Variants in ZNF540 observed in about 807,000 individuals in gnomAD.
ZNF540 encodes the protein CTD-3064H18.6.
Under a neutral mutation model 11.8 loss-of-function variants are expected in ZNF540, and 3 were observed. The ratio of observed to expected loss-of-function variants is 0.25; its 90% CI spans 0.12 to 0.65. The LOEUF is 0.65. ZNF540 is among the 30% of genes least tolerant of loss of function. The pLI is 0.83. For missense variants in ZNF540, 709 were observed against 793.1 expected (o/e 0.89, Z 1.27); for synonymous variants, 247 against 259.0 (o/e 0.95, Z 0.45).
At chr19:37,579,486 T>C (rs984808088) in intron 1 of ZNF540, among the ~76,000 whole-genome samples, 11 of 152,168 alleles carry the variant, frequency 7.2e-5, no homozygotes, top group Non-Finnish European at 1.5e-4. Context: ...CCTTAACCAA[T>C]GGGGAAAGGA....
chr19:37,564,705 G>GAGTA, intron 1 of ZNF540: 1 of 1,613,582 alleles, frequency 6.2e-7, no homozygotes. Flanking sequence ...CTTTGATGCA[G>GAGTA]AGTAAGTTCT....
Position 37,584,684 on chromosome 19 carries a change from C to T in ZNF540, c.-72-13692C>T, listed in dbSNP as rs142271809. Among the ~76,000 whole-genome samples the T allele has an allele frequency of 6.6e-3, 1,005 of 152,208 alleles. 10 individuals carry two copies. The highest frequency in any genetic ancestry group is 0.012 in the Admixed American group (176 of 15,290). On this transcript the variant is annotated intron_variant, in intron 1 of 4. Coordinates refer to the ZNF540 transcript ENST00000592533. ...TATCTGAATTAGACAAATTCTCGGC[C>T]GGGCGCGGTGGCTCACGCTTGTAAT...
chr19:37,612,326 A>G lies in ZNF540; in HGVS notation c.1046A>G (p.His349Arg). 6.2e-7 allele frequency: 1 copy of G among 1,614,140 alleles called. No homozygotes were observed. The highest frequency in any genetic ancestry group is 1.6e-4 in the Middle Eastern group (1 of 6,062). The change falls in exon 5 of 5, where the codon CAT becomes CGT. Residue 349 changes from histidine to arginine, a missense_variant. Coordinates refer to ENST00000316433, the MANE Select transcript of ZNF540 (RefSeq NM_001172225.3). The stretch of plus-strand genomic sequence containing the variant: ...CAACTTACCCGTCATCAGAAAATTC[A>G]TACTGGTGTAAAACCCTACGAATGT... Reference protein sequence around the residue: ...CGQLTRHQKIHTGVKPYECKE... With the variant: ...CGQLTRHQKIRTGVKPYECKE...
intron 1 of ZNF540, among the ~76,000 whole-genome samples, chr19:37,572,723 C>A (rs928593290): frequency 3.3e-5 from 5 of 152,108 alleles, no homozygotes; most frequent in Non-Finnish European, 7.4e-5. Flanking sequence ...AATCTGTTGG[C>A]CTTAGGAGCC....
At chr19:37,558,681 T>C (rs574056282) in intron 1 of ZNF540, among the ~76,000 whole-genome samples, 12 of 152,318 alleles carry the variant, frequency 7.9e-5, no homozygotes, top group East Asian at 1.9e-4. Context: ...TCTGGAACTC[T>C]GTCCTGCACC....
rs374894162 is a variant in ZNF540 at position 37,565,412 on chromosome 19, T to C, written c.-73+13747T>C. Reference sequence around the variant, plus strand: ...GGCACATAAAAAGGCTTTCCCACATTCTTTACATATGTAAGGCTTTTCACC... The same window carrying C: ...GGCACATAAAAAGGCTTTCCCACATCCTTTACATATGTAAGGCTTTTCACC... On this transcript the variant is annotated intron_variant, in intron 1 of 4. Coordinates refer to the ZNF540 transcript ENST00000592533. 82 of 1,613,382 alleles carry C rather than the reference T, an allele frequency of 5.1e-5. No homozygotes were observed. Among genetic ancestry groups the C allele is most frequent in the Non-Finnish European group, 7.0e-5 (82 of 1,179,810 alleles).
At chr19:37,608,649 AG>A (rs1273107213) in intron 4 of ZNF540, among the ~76,000 whole-genome samples, 1 of 151,616 alleles carries the variant, frequency 6.6e-6, no homozygotes, top group Non-Finnish European at 1.5e-5. Flanking sequence ...GGCCTTTAGG[AG>A]TGCAGTGATA....
intron 1 of ZNF540, chr19:37,564,333 A>C (rs558200486): frequency 3.3e-6 from 1 of 306,504 alleles, no homozygotes; most frequent in Non-Finnish European, 5.9e-6. Flanking sequence ...AATAGAAAAG[A>C]ACACACAAGA....
At chr19:37,554,134 C>T (rs2042636445) in intron 1 of ZNF540, among the ~76,000 whole-genome samples, 1 of 152,168 alleles carries the variant, frequency 6.6e-6, no homozygotes, top group Non-Finnish European at 1.5e-5. Context: ...TTTTGACCTT[C>T]ACATTCCTTC....
intron 1 of ZNF540, among the ~76,000 whole-genome samples, chr19:37,559,375 TAAATA>T (rs1413800003): frequency 6.6e-6 from 1 of 152,216 alleles, no homozygotes; most frequent in African/African-American, 2.4e-5. Context: ...ATATTCTATA[TAAATA>T]AAATCCAAGA....
chr19:37,594,543 G>C (rs1340438431), upstream of ZNF540: 2 of 152,440 alleles, frequency 1.3e-5, no homozygotes, highest in African/African-American at 2.4e-5. Flanking sequence ...GCCACTGCCA[G>C]AACCAAAGTG....
intron 1 of ZNF540, among the ~76,000 whole-genome samples, chr19:37,557,549 C>T (rs1568334693): frequency 6.6e-6 from 1 of 152,170 alleles, no homozygotes; most frequent in African/African-American, 2.4e-5. Flanking sequence ...ACAGCTGCAC[C>T]GGCCTTTCGT....
chr19:37,611,559 C>T lies in ZNF540; in HGVS notation c.279C>T (p.Asp93=), dbSNP rs1249311049. The T allele has an allele frequency of 2.5e-6, 4 of 1,608,116 alleles. No individual in the cohort carries two copies. The highest frequency in any genetic ancestry group is 2.2e-5 in the East Asian group (1 of 44,776). Residue 93 remains aspartate (D), a synonymous_variant, in exon 5 of 5, where the codon GAC becomes GAT. Coordinates refer to ENST00000316433, the MANE Select transcript of ZNF540 (RefSeq NM_001172225.3). ...HKTKKLSSEK[D]IHEISLSKES... ...CCAAGAAATTATCTTCAGAAAAGGA[C>T]ATTCATGAAATCAGTTTATCCAAAG...
At chr19:37,564,504 G>A (rs1600451348) in intron 1 of ZNF540, 3 of 1,202,188 alleles carry the variant, frequency 2.5e-6, no homozygotes, top group Non-Finnish European at 3.3e-6. Flanking sequence ...TTCTAAGAAT[G>A]AGCAGATTCT....
At chr19:37,590,333 C>A (rs61423699), upstream of ZNF540, among the ~76,000 whole-genome samples, 1 of 151,984 alleles carries the variant, frequency 6.6e-6, no homozygotes, top group East Asian at 1.9e-4. Flanking sequence ...AGGAGAACGG[C>A]GTGAACCCAG....
intron 1 of ZNF540, chr19:37,564,803 C>T (rs200742684): frequency 6.2e-7 from 1 of 1,613,852 alleles, no homozygotes; most frequent in Non-Finnish European, 8.5e-7. Context: ...AAGGTGTGAG[C>T]CACGAATAAA....
chr19:37,573,348 C>T (rs2043132387), intron 1 of ZNF540, among the ~76,000 whole-genome samples: 1 of 152,116 alleles, frequency 6.6e-6, no homozygotes, highest in Non-Finnish European at 1.5e-5. Flanking sequence ...ACACTCAACC[C>T]CAACCCTGAC....
intron 1 of ZNF540, chr19:37,565,752 T>G: frequency 6.2e-7 from 1 of 1,613,850 alleles, no homozygotes; most frequent in Non-Finnish European, 8.5e-7. Context: ...CCACATGCGT[T>G]ACACTGATAA....
chr19:37,571,762 T>C (rs1241639385), intron 1 of ZNF540, among the ~76,000 whole-genome samples: 1 of 152,198 alleles, frequency 6.6e-6, no homozygotes, highest in Non-Finnish European at 1.5e-5. Context: ...CAGACATTAC[T>C]TCCTTTAACA....
Sources: allele counts gnomAD v4.1 joint callset (sites outside exome capture counted in the v4.1 genomes callset), GRCh38; gene constraint gnomAD v4.1.1; transcripts MANE v1.5; gene names NCBI Gene and HGNC (gene_info 2026-07-23, HGNC 2026-07-21).